The following HMMR variants were observed in gnomAD, a reference collection of about 807,000 sequenced individuals.
HMMR encodes intracellular hyaluronic acid-binding protein.
In HMMR, 108 loss-of-function variants were observed where a neutral mutation model predicts 101.0. That is an observed-to-expected ratio of 1.07 (90% CI 0.92 to 1.25). The LOEUF is 1.25. Among genes scored for constraint, HMMR ranks in the 50% most tolerant of loss-of-function variants. The probability of loss-of-function intolerance (pLI) is 0.00; values close to 1 mark genes in which losing one functional copy is unlikely to be tolerated. For synonymous variants in HMMR, 296 were observed against 276.4 expected, an observed-to-expected ratio of 1.07 and a Z score of -0.70; for missense variants, 813 against 788.7, an observed-to-expected ratio of 1.03 and a Z score of -0.37.
Position 163,465,366 on chromosome 5 carries a change from C to G in HMMR, c.225+564C>G, listed in dbSNP as rs575440815. ...ATTTTTTTTTTGAGATGGAGTATCACTCTGTCACCCAGGCTAAAGTGCAGT... is the reference window on the plus strand; with the variant it reads ...ATTTTTTTTTTGAGATGGAGTATCAGTCTGTCACCCAGGCTAAAGTGCAGT... On this transcript the variant is annotated intron_variant, in intron 3 of 17. Transcript: ENST00000393915. Among the ~76,000 whole-genome samples, 14 of 152,080 alleles carry G rather than the reference C, an allele frequency of 9.2e-5. No homozygotes were observed. The South Asian group carries it at 2.9e-3, about 32-fold the overall frequency.
At chr5:163,470,622 G>T (rs1758854166) in intron 5 of HMMR, among the ~76,000 whole-genome samples, 1 of 152,052 alleles carries the variant, frequency 6.6e-6, no homozygotes, top group Admixed American at 6.6e-5. Context: ...CTCCAGCCTG[G>T]GTGACAGAGT....
Position 163,476,307 on chromosome 5 carries a change from ACT to A in HMMR, c.1268+638_1268+639del, listed in dbSNP as rs1759067778. Among the ~76,000 whole-genome samples the A allele has an allele frequency of 4.6e-5, 7 of 152,276 alleles. No homozygotes were observed. The South Asian group carries it at 1.2e-3, about 27-fold the overall frequency. Reference sequence around the variant, plus strand: ...ACTCTAGCCTGAGCAACAGAGTGAGACTCTGTCTCAAAAACAAACAAAACACA... The same window carrying A: ...ACTCTAGCCTGAGCAACAGAGTGAGACTGTCTCAAAAACAAACAAAACACA... On this transcript the variant is annotated intron_variant, in intron 11 of 17. Transcript: ENST00000393915.
In HMMR at chr5:163,475,565, T is replaced by C. The variant is rs1231529647; in HGVS notation, c.1161T>C (p.Asp387=). Residue 387 remains aspartate (D), a synonymous_variant, in exon 11 of 18, where the codon GAT becomes GAC. Transcript: ENST00000393915. ...EELKQTLDEL[D]KLQQKEEQAE... ...TAAAGCAAACACTGGATGAGCTTGA[T>C]AAATTACAGCAAAAGGAGGAACAAG... The C allele has an allele frequency of 6.2e-7, 1 of 1,612,220 alleles. No homozygotes were observed. The highest frequency in any genetic ancestry group is 8.5e-7 in the Non-Finnish European group (1 of 1,178,572).
chr5:163,465,542 C>T (rs1260000017), intron 3 of HMMR, among the ~76,000 whole-genome samples: 1 of 10,598 alleles, frequency 9.4e-5, no homozygotes, highest in Non-Finnish European at 1.7e-4. Flanking sequence ...AACATATTAG[C>T]CAGTTGGGCA....
At chr5:163,490,749 C>T (rs1759666267) in intron 17 of HMMR, among the ~76,000 whole-genome samples, 197 bp downstream of exon 17, 1 of 152,154 alleles carries the variant, frequency 6.6e-6, no homozygotes, top group Non-Finnish European at 1.5e-5. Flanking sequence ...CTGGATTCTG[C>T]CTGTTCTTCA....
At chr5:163,474,814 G>A (rs1267485833) in intron 10 of HMMR, among the ~76,000 whole-genome samples, 1 of 152,040 alleles carries the variant, frequency 6.6e-6, no homozygotes, top group Admixed American at 6.6e-5. Flanking sequence ...AAATATTATA[G>A]TGTTGGACAA....
chr5:163,474,046 G>T lies in HMMR; in HGVS notation c.905-11G>T. The T allele has an allele frequency of 6.2e-7, 1 of 1,600,532 alleles. No homozygotes were observed. Among genetic ancestry groups the T allele is most frequent in the East Asian group, 2.3e-5 (1 of 44,382 alleles). On this transcript the variant is annotated splice_polypyrimidine_tract_variant and intron_variant, in intron 9 of 17. Coordinates refer to ENST00000393915, the MANE Select transcript of HMMR (RefSeq NM_001142556.2). The stretch of plus-strand genomic sequence containing the variant: ...CTAATTCCAGTATTCTTGATGTTTT[G>T]CGTTTTCTAGAAGACCATGTCAACA...
At chr5:163,474,652 C>A (rs1759011049) in intron 10 of HMMR, 7 of 445,632 alleles carry the variant, frequency 1.6e-5, no homozygotes, top group South Asian at 9.7e-5. Context: ...AAGTTCTGGC[C>A]TGTAAATATA....
chr5:163,481,310 A>G (rs917781698), intron 12 of HMMR, among the ~76,000 whole-genome samples: 1 of 150,900 alleles, frequency 6.6e-6, no homozygotes, highest in African/African-American at 2.4e-5. Flanking sequence ...TGTAAATTTT[A>G]TATATATATA....
intron 17 of HMMR, 46 bp from the exon 18 acceptor site, chr5:163,491,066 C>A: frequency 1.8e-6 from 2 of 1,109,990 alleles, no homozygotes; most frequent in South Asian, 1.5e-5. Context: ...TGGATAAATT[C>A]GTTTTAATCT....
In HMMR at chr5:163,478,752, A is replaced by T. The variant is rs867941837; in HGVS notation, c.1337A>T (p.Tyr446Phe). 1.2e-5 allele frequency: 20 copies of T among 1,613,226 alleles called. 1 individual carries two copies. The Middle Eastern group carries it at 2.3e-3, about 186-fold the overall frequency. ...TQATLLLQEK[Y>F]DSMVQSLEDV... ...GCCACCCTGCTTTTGCAGGAAAAGT[A>T]TGACAGTATGGTGCAAAGCCTTGAA... Residue 446 changes from tyrosine to phenylalanine, a missense_variant, in exon 12 of 18, where the codon TAT becomes TTT. Transcript: ENST00000393915.
At chr5:163,488,098 T>A (rs2113522306) in intron 16 of HMMR, among the ~76,000 whole-genome samples, 1 of 152,302 alleles carries the variant, frequency 6.6e-6, no homozygotes, top group African/African-American at 2.4e-5. Context: ...TCAAGGAATC[T>A]ACCAGCTTTG....
chr5:163,484,869 T>C (rs2113512794), intron 16 of HMMR, among the ~76,000 whole-genome samples: 1 of 152,334 alleles, frequency 6.6e-6, no homozygotes, highest in South Asian at 2.1e-4. Context: ...TCAAATAATA[T>C]GTGGCCTTTT....
At chr5:163,490,329 A>G in intron 16 of HMMR, 61 bp from the exon 17 acceptor site, 1 of 1,150,862 alleles carries the variant, frequency 8.7e-7, no homozygotes, top group Non-Finnish European at 1.2e-6. Context: ...AACATTGGTA[A>G]CACATTTCAC....
intron 16 of HMMR, among the ~76,000 whole-genome samples, chr5:163,489,721 G>A (rs1173582227): frequency 6.6e-6 from 1 of 152,164 alleles, no homozygotes; most frequent in African/African-American, 2.4e-5. Flanking sequence ...TGGAGGAAGG[G>A]ATCCCCCACC....
At chr5:163,461,154 G>A (rs942737331) in intron 1 of HMMR, among the ~76,000 whole-genome samples, 14 of 152,180 alleles carry the variant, frequency 9.2e-5, no homozygotes, top group Admixed American at 8.5e-4. Context: ...GGGCATAAAA[G>A]AAGGAAGATT....
At chr5:163,470,326 A>G (rs1758845569) in intron 5 of HMMR, among the ~76,000 whole-genome samples, 1 of 152,162 alleles carries the variant, frequency 6.6e-6, no homozygotes, top group African/African-American at 2.4e-5. Flanking sequence ...CAACCTTTCA[A>G]AAATGAACCA....
chr5:163,476,051 G>A (rs771824738), intron 11 of HMMR, among the ~76,000 whole-genome samples: 1 of 152,128 alleles, frequency 6.6e-6, no homozygotes, highest in Non-Finnish European at 1.5e-5. Flanking sequence ...GGTGGCTGAT[G>A]CCTGCAATTC....
intron 14 of HMMR, 23 bp downstream of exon 14, chr5:163,483,195 G>A (rs755976249): frequency 1.2e-6 from 2 of 1,604,510 alleles, no homozygotes; most frequent in South Asian, 2.2e-5. Flanking sequence ...TAGAACCTGA[G>A]TGCCTTGTTA....
Sources: gnomAD v4.1 joint callset for allele counts (sites outside exome capture counted in the v4.1 genomes callset) on GRCh38, gnomAD v4.1.1 for gene constraint, MANE v1.5 for transcripts, NCBI Gene and HGNC (gene_info 2026-07-23, HGNC 2026-07-21) for gene names.